Variants in TIAM1 observed in about 807,000 individuals in gnomAD.
TIAM1 encodes the protein rho guanine nucleotide exchange factor TIAM1.
TIAM1 carries 65 observed loss-of-function variants against 163.5 expected under a neutral mutation model. The ratio of observed to expected loss-of-function variants is 0.40; its 90% CI spans 0.33 to 0.49. TIAM1 has a LOEUF of 0.49. Among genes scored for constraint, TIAM1 ranks in the 20% least tolerant of loss-of-function variants. TIAM1 has a pLI of 0.77. For missense variants in TIAM1, 1,789 were observed against 2,044.7 expected, an observed-to-expected ratio of 0.87 and a Z score of 2.41; for synonymous variants, 833 against 810.1, an observed-to-expected ratio of 1.03 and a Z score of -0.48.
At chr21:31,134,711 A>G (rs557237814) in intron 23 of TIAM1, among the ~76,000 whole-genome samples, 4 of 152,242 alleles carry the variant, frequency 2.6e-5, no homozygotes, top group Non-Finnish European at 4.4e-5. Context: ...GGGTTTCACC[A>G]TATTAGCCAG....
intron 2 of TIAM1, among the ~76,000 whole-genome samples, chr21:31,450,919 A>G (rs1462666689): frequency 6.6e-6 from 1 of 152,144 alleles, no homozygotes; most frequent in Non-Finnish European, 1.5e-5. Flanking sequence ...CGGGAGCTAC[A>G]CTTCAAGATG....
chr21:31,330,428 TTTTG>T (rs1333271445), intron 2 of TIAM1, among the ~76,000 whole-genome samples: 2 of 152,144 alleles, frequency 1.3e-5, no homozygotes, highest in African/African-American at 2.4e-5. Flanking sequence ...TCTTTGTATT[TTTTG>T]TTTGTTTTTG....
rs748748336 is a variant in TIAM1 at position 31,225,834 on chromosome 21, G to T, written c.1701C>A (p.Ile567=). Reference sequence around the variant, plus strand: ...TGTCAATCTTCTGTTCCAGTTTTTTGATCTCTGATTTCAGGAGTCGGAGCG... The same window carrying T: ...TGTCAATCTTCTGTTCCAGTTTTTTTATCTCTGATTTCAGGAGTCGGAGCG... The part of the protein sequence containing the change: ...EDTLRLLKSE[I]KKLEQKIDMD... The change falls in exon 7 of 28, where the codon ATC becomes ATA. Residue 567 remains isoleucine, a synonymous_variant. Coordinates refer to ENST00000541036, the MANE Select transcript of TIAM1 (RefSeq NM_001353694.2). 3 of 1,614,050 alleles carry T rather than the reference G, an allele frequency of 1.9e-6. No homozygotes were observed. Among genetic ancestry groups the T allele is most frequent in the East Asian group, 2.2e-5 (1 of 44,870 alleles).
At chr21:31,477,293 T>C (rs756403638) in intron 1 of TIAM1, among the ~76,000 whole-genome samples, 1 of 152,186 alleles carries the variant, frequency 6.6e-6, no homozygotes, top group East Asian at 1.9e-4. Context: ...ACATATTTCC[T>C]GAAATTCTTT....
At chr21:31,548,251 T>C (rs2409412) in intron 1 of TIAM1, among the ~76,000 whole-genome samples, 10,125 of 149,952 alleles carry the variant, frequency 0.068, 1,043 homozygotes, top group East Asian at 0.51. Flanking sequence ...GCAATTCTCA[T>C]GTGCCTCAGT....
chr21:31,384,117 G>GT (rs1569283930), intron 2 of TIAM1, among the ~76,000 whole-genome samples: 3 of 152,106 alleles, frequency 2.0e-5, no homozygotes, highest in African/African-American at 7.2e-5. Context: ...ATATCCTGTG[G>GT]TGTTCATAGA....
intron 2 of TIAM1, among the ~76,000 whole-genome samples, chr21:31,385,645 G>C (rs576826694): frequency 6.6e-6 from 1 of 151,020 alleles, no homozygotes; most frequent in East Asian, 1.9e-4. Context: ...AAATAATAAG[G>C]GGGTAATGTA....
chr21:31,410,261 TTG>T (rs968624000), intron 2 of TIAM1, among the ~76,000 whole-genome samples: 1 of 150,944 alleles, frequency 6.6e-6, no homozygotes, highest in Non-Finnish European at 1.5e-5. Flanking sequence ...GTGTATATAT[TTG>T]TGTGGGTGTG....
intron 2 of TIAM1, among the ~76,000 whole-genome samples, chr21:31,290,108 T>A (rs942993573): frequency 6.6e-6 from 1 of 152,242 alleles, no homozygotes; most frequent in Non-Finnish European, 1.5e-5. Context: ...AAATACATTA[T>A]GCACATTTCA....
chr21:31,487,589 C>T (rs1439159869), intron 1 of TIAM1, among the ~76,000 whole-genome samples: 3 of 131,556 alleles, frequency 2.3e-5, no homozygotes, highest in Admixed American at 8.8e-5. Context: ...CTCGCTCTGT[C>T]GCCCAGGCCG....
At chr21:31,299,927 T>C (rs979267296) in intron 2 of TIAM1, among the ~76,000 whole-genome samples, 2 of 152,330 alleles carry the variant, frequency 1.3e-5, no homozygotes, top group East Asian at 3.9e-4. Context: ...GATCTTTCCT[T>C]ACGTCTGCAT....
chr21:31,414,584 T>C (rs1602223836), intron 2 of TIAM1, among the ~76,000 whole-genome samples: 1 of 152,200 alleles, frequency 6.6e-6, no homozygotes, highest in Non-Finnish European at 1.5e-5. Context: ...CTCCTGTCTC[T>C]TGTCCAACTT....
At chr21:31,139,566 T>C (rs1329405207) in intron 22 of TIAM1, among the ~76,000 whole-genome samples, 4 of 152,172 alleles carry the variant, frequency 2.6e-5, no homozygotes, top group African/African-American at 9.7e-5. Flanking sequence ...AAACCATAGT[T>C]TTCTTCTTGC....
intron 1 of TIAM1, among the ~76,000 whole-genome samples, chr21:31,473,158 C>T (rs2045808514): frequency 1.3e-5 from 2 of 152,130 alleles, no homozygotes; most frequent in South Asian, 2.1e-4. Flanking sequence ...CAGCCAGGCA[C>T]GGTGGCTCAC....
intron 4 of TIAM1, among the ~76,000 whole-genome samples, chr21:31,259,126 C>T (rs5843499): frequency 0.24 from 6,718 of 28,324 alleles, 461 homozygotes; most frequent in African/African-American, 0.45. Context: ...ATGTGATCTT[C>T]TTTTTTTTTT....
intron 11 of TIAM1, among the ~76,000 whole-genome samples, chr21:31,209,750 C>T (rs1220394145): frequency 6.6e-6 from 1 of 152,204 alleles, no homozygotes; most frequent in African/African-American, 2.4e-5. Flanking sequence ...GTGTTCTTCA[C>T]CTAGATTTTC....
intron 2 of TIAM1, among the ~76,000 whole-genome samples, chr21:31,424,051 T>C (rs1288822497): frequency 6.6e-6 from 1 of 152,226 alleles, no homozygotes; most frequent in Non-Finnish European, 1.5e-5. Flanking sequence ...GTTAAAGTTA[T>C]AGAAGTTCTG....
At chr21:31,476,892 C>G (rs752196271) in intron 1 of TIAM1, among the ~76,000 whole-genome samples, 2 of 152,282 alleles carry the variant, frequency 1.3e-5, no homozygotes, top group South Asian at 2.1e-4. Context: ...ATTCTGCAAC[C>G]CTTCTGGGCT....
intron 15 of TIAM1, among the ~76,000 whole-genome samples, chr21:31,170,869 C>A (rs142384415): frequency 0.018 from 2,760 of 151,782 alleles, 273 homozygotes; most frequent in Admixed American, 0.16. Flanking sequence ...AACCCCATCT[C>A]TACTAAAAAT....
Sources: gnomAD v4.1 joint callset for allele counts (sites outside exome capture counted in the v4.1 genomes callset) on GRCh38, gnomAD v4.1.1 for gene constraint, MANE v1.5 for transcripts, NCBI Gene and HGNC (gene_info 2026-07-23, HGNC 2026-07-21) for gene names.